PCCA: variants seen among roughly 807,000 people sequenced by gnomAD.
PCCA encodes propionyl-CoA carboxylase alpha chain, mitochondrial.
PCCA carries 74 observed loss-of-function variants against 101.3 expected under a neutral mutation model. The observed-to-expected ratio is 0.73, with a 90% CI of 0.61 to 0.89. The LOEUF is 0.89. PCCA is among the 40% of genes least tolerant of loss of function. The pLI is 0.00. For synonymous variants in PCCA, 294 were observed against 313.6 expected (o/e 0.94, Z 0.66); for missense variants, 891 against 907.0 (o/e 0.98, Z 0.23).
intron 1 of PCCA, among the ~76,000 whole-genome samples, chr13:100,097,399 G>C (rs2046863777): frequency 6.6e-6 from 1 of 152,030 alleles, no homozygotes; most frequent in South Asian, 2.1e-4. Context: ...TGAATTTTAT[G>C]GTATGTGAAT....
At chr13:100,310,320 A>T (rs1273022400) in intron 16 of PCCA, among the ~76,000 whole-genome samples, 1 of 152,218 alleles carries the variant, frequency 6.6e-6, no homozygotes, top group African/African-American at 2.4e-5. Context: ...TGGGAAGATT[A>T]TTCCTGGAAG....
chr13:100,150,208 T>G (rs2053128822), intron 4 of PCCA, among the ~76,000 whole-genome samples: 1 of 151,858 alleles, frequency 6.6e-6, no homozygotes, highest in African/African-American at 2.4e-5. Flanking sequence ...TTCTTTTGTA[T>G]TTTTTGGTAG....
intron 6 of PCCA, among the ~76,000 whole-genome samples, chr13:100,173,377 G>A (rs974102032): frequency 2.0e-5 from 3 of 152,108 alleles, no homozygotes; most frequent in Admixed American, 6.6e-5. Flanking sequence ...CAGGAATAAC[G>A]GCATTTGGTA....
At chr13:100,398,324 C>T (rs2077152253) in intron 19 of PCCA, among the ~76,000 whole-genome samples, 1 of 152,180 alleles carries the variant, frequency 6.6e-6, no homozygotes, top group Non-Finnish European at 1.5e-5. Flanking sequence ...CATACCACAG[C>T]ACATCTCACA....
chr13:100,173,671 A>G (rs1437961879), intron 6 of PCCA, among the ~76,000 whole-genome samples: 1 of 152,198 alleles, frequency 6.6e-6, no homozygotes, highest in Non-Finnish European at 1.5e-5. Flanking sequence ...TGAGGACTTC[A>G]GGTTTCTAGT....
intron 7 of PCCA, among the ~76,000 whole-genome samples, chr13:100,214,415 TTGTGTG>T (rs530930081): frequency 1.5e-4 from 22 of 150,980 alleles, no homozygotes; most frequent in Non-Finnish European, 3.1e-4. Context: ...AGTTGTTTTT[TTGTGTG>T]TGTGTGTGTG....
intron 4 of PCCA, among the ~76,000 whole-genome samples, chr13:100,134,813 C>T (rs1467918128): frequency 1.3e-5 from 2 of 152,136 alleles, no homozygotes; most frequent in Non-Finnish European, 2.9e-5. Context: ...TTTGGGATTA[C>T]AGGTGTGAGC....
chr13:100,495,357 C>A (rs973291750), intron 21 of PCCA, among the ~76,000 whole-genome samples: 4 of 152,132 alleles, frequency 2.6e-5, no homozygotes, highest in African/African-American at 7.2e-5. Context: ...GAAAATGCCA[C>A]CTCTCTGAAA....
intron 21 of PCCA, among the ~76,000 whole-genome samples, chr13:100,494,643 A>G (rs2085142778): frequency 6.6e-6 from 1 of 150,748 alleles, no homozygotes; most frequent in Non-Finnish European, 1.5e-5. Flanking sequence ...AGATCGCGCT[A>G]TTGCACTCTA....
rs543918385 is a variant in PCCA at position 100,166,309 on chromosome 13, CTGTTT to C, written c.468+8987_468+8991del. Among the ~76,000 whole-genome samples, 79 of 152,100 alleles carry C rather than the reference CTGTTT, an allele frequency of 5.2e-4. No homozygotes were observed. In the East Asian group the frequency reaches 8.3e-3, roughly 16 times the overall value. ...TGTAATTGTGTCAGTACTTCATTCC[CTGTTT>C]TGTTTTGTTTTGTTTTGGAGACAGA... is the stretch of plus-strand genomic sequence containing the variant. On this transcript the variant is annotated intron_variant, in intron 6 of 23. Transcript: ENST00000376285.
At chr13:100,222,169 T>A (rs909694532) in intron 7 of PCCA, among the ~76,000 whole-genome samples, 1 of 152,078 alleles carries the variant, frequency 6.6e-6, no homozygotes, top group Non-Finnish European at 1.5e-5. Flanking sequence ...GCCTCCGGAG[T>A]AGCTGGGATT....
At chr13:100,089,895 T>C (rs1466043604) in intron 1 of PCCA, among the ~76,000 whole-genome samples, 3 of 152,192 alleles carry the variant, frequency 2.0e-5, no homozygotes, top group Non-Finnish European at 2.9e-5. Context: ...TAGGCTGTCA[T>C]GATGGCAGAT....
At chr13:100,404,765 C>T (rs968794789) in intron 19 of PCCA, among the ~76,000 whole-genome samples, 3 of 152,178 alleles carry the variant, frequency 2.0e-5, no homozygotes, top group Non-Finnish European at 4.4e-5. Context: ...CTCTTACCCA[C>T]GTAACGCCCT....
intron 19 of PCCA, among the ~76,000 whole-genome samples, chr13:100,379,746 C>T (rs947048096): frequency 6.6e-6 from 1 of 152,078 alleles, no homozygotes; most frequent in Non-Finnish European, 1.5e-5. Context: ...ATCAGACCTC[C>T]TGAGACTTAT....
chr13:100,167,836 G>C (rs754095652), intron 6 of PCCA, among the ~76,000 whole-genome samples: 1 of 151,866 alleles, frequency 6.6e-6, no homozygotes, highest in Non-Finnish European at 1.5e-5. Context: ...GTGCGATCTC[G>C]GCTCTCTGCA....
chr13:100,364,468 C>T (rs895463566), intron 18 of PCCA, among the ~76,000 whole-genome samples: 2 of 152,106 alleles, frequency 1.3e-5, no homozygotes, highest in Non-Finnish European at 2.9e-5. Flanking sequence ...ATAGAGCATG[C>T]ATTCTTTCAG....
intron 8 of PCCA, among the ~76,000 whole-genome samples, chr13:100,253,926 AT>A (rs776608778): frequency 2.7e-5 from 4 of 147,394 alleles, no homozygotes; most frequent in Non-Finnish European, 6.0e-5. Context: ...TAGAATTTGT[AT>A]TTTGTTATGC....
chr13:100,260,466 G>A (rs367597059), intron 9 of PCCA, among the ~76,000 whole-genome samples: 3 of 149,748 alleles, frequency 2.0e-5, no homozygotes, highest in South Asian at 2.1e-4. Flanking sequence ...GTGCGATCTC[G>A]GCTCACTGCA....
chr13:100,228,064 G>A (rs1201210297), intron 7 of PCCA, among the ~76,000 whole-genome samples: 1 of 151,940 alleles, frequency 6.6e-6, no homozygotes, highest in African/African-American at 2.4e-5. Flanking sequence ...CACCCAGGCT[G>A]GAGTGCAGTG....
Sources: gnomAD v4.1 joint callset for allele counts (sites outside exome capture counted in the v4.1 genomes callset) on GRCh38, gnomAD v4.1.1 for gene constraint, MANE v1.5 for transcripts, NCBI Gene and HGNC (gene_info 2026-07-23, HGNC 2026-07-21) for gene names.